SH3RF3: variants seen among roughly 807,000 people sequenced by gnomAD.
The protein encoded by SH3RF3 is E3 ubiquitin-protein ligase SH3RF3.
A neutral mutation model predicts 66.3 loss-of-function variants in SH3RF3; 29 were observed. That is an observed-to-expected ratio of 0.44 (90% confidence interval 0.33 to 0.60). The LOEUF (loss-of-function observed/expected upper bound fraction) is 0.60, where lower values mean the gene tolerates loss of function less well. Among genes scored for constraint, SH3RF3 ranks in the 20% least tolerant of loss-of-function variants. The pLI, the probability that SH3RF3 is intolerant of heterozygous loss-of-function variation, is 0.04. For missense variants in SH3RF3, 1,194 were observed against 1,190.9 expected, an observed-to-expected ratio of 1.00 and a Z score of -0.04; for synonymous variants, 583 against 532.0, an observed-to-expected ratio of 1.10 and a Z score of -1.32.
chr2:109,267,684 C>A (rs145249393), intron 1 of SH3RF3, among the ~76,000 whole-genome samples: 12 of 152,316 alleles, frequency 7.9e-5, no homozygotes, highest in Non-Finnish European at 1.3e-4. Flanking sequence ...GGAGCCCCAC[C>A]CGTGATCCCC....
chr2:109,453,799 G>T (rs1265034049), intron 8 of SH3RF3, among the ~76,000 whole-genome samples: 1 of 152,188 alleles, frequency 6.6e-6, no homozygotes, highest in Non-Finnish European at 1.5e-5. Context: ...GGGAACAGAG[G>T]GTCACCGACA....
At position 109,504,165 on chromosome 2, in the gene SH3RF3, T is replaced by C. The variant is rs1258997110; in HGVS notation, c.*2494T>C. The C allele has an allele frequency of 6.6e-6, 1 of 152,234 alleles. No individual in the cohort carries two copies. Among genetic ancestry groups the C allele is most frequent in the Non-Finnish European group, 1.5e-5 (1 of 68,044 alleles). 9.4% of individuals were successfully genotyped at this position (152,234 alleles called of 1,614,324 possible). ...AATTAGCCCTTTCTTCAGGCCATCT[T>C]GCCTCAAAGGGTACACATGTTTGGC... On this transcript the variant is annotated 3_prime_UTR_variant, in exon 10 of 10. Coordinates refer to ENST00000309415, the MANE Select transcript of SH3RF3 (RefSeq NM_001099289.3).
At chr2:109,494,390 G>T (rs1476930386) in intron 9 of SH3RF3, among the ~76,000 whole-genome samples, 6 of 152,116 alleles carry the variant, frequency 3.9e-5, no homozygotes, top group Non-Finnish European at 7.4e-5. Flanking sequence ...CCCCAGAAGT[G>T]CCCCCTCCCC....
chr2:109,335,053 C>T (rs964594982), intron 1 of SH3RF3, among the ~76,000 whole-genome samples: 13 of 152,218 alleles, frequency 8.5e-5, no homozygotes, highest in Non-Finnish European at 1.3e-4. Context: ...ATTGAAGACA[C>T]GGTTTTGTCT....
chr2:109,347,141 T>C (rs944352554), intron 1 of SH3RF3, among the ~76,000 whole-genome samples: 2 of 152,142 alleles, frequency 1.3e-5, no homozygotes, highest in Admixed American at 6.5e-5. Flanking sequence ...ATTCAGTAGA[T>C]GAAGTAAAGA....
chr2:109,479,667 G>T (rs1359354349), intron 8 of SH3RF3, among the ~76,000 whole-genome samples: 2 of 152,202 alleles, frequency 1.3e-5, no homozygotes, highest in East Asian at 3.9e-4. Context: ...CTGCACTTTT[G>T]TCTCCTCATT....
At chr2:109,364,349 C>T (rs764773932) in intron 2 of SH3RF3, among the ~76,000 whole-genome samples, 2 of 152,178 alleles carry the variant, frequency 1.3e-5, no homozygotes, top group Non-Finnish European at 2.9e-5. Context: ...TTTATCTTTG[C>T]TTACATCACC....
chr2:109,423,637 A>G (rs146656198), intron 5 of SH3RF3, among the ~76,000 whole-genome samples: 111 of 152,314 alleles, frequency 7.3e-4, no homozygotes, highest in Non-Finnish European at 1.3e-3. Flanking sequence ...GAAGGCCTGG[A>G]TCAGCGAAAT....
intron 3 of SH3RF3, among the ~76,000 whole-genome samples, chr2:109,372,649 A>T (rs1683298831): frequency 6.6e-6 from 1 of 152,220 alleles, no homozygotes; most frequent in Admixed American, 6.5e-5. Context: ...GAGTGGCAGA[A>T]CCAAGGTTTC....
intron 2 of SH3RF3, among the ~76,000 whole-genome samples, chr2:109,355,763 C>T (rs964531083): frequency 1.8e-4 from 27 of 152,196 alleles, no homozygotes; most frequent in Admixed American, 3.9e-4. Flanking sequence ...CCATGCCATG[C>T]GGATCAGTCT....
rs189033073 is a variant in SH3RF3, at chr2:109,173,995, C to T, written c.573+43882C>T. Reference sequence around the variant, plus strand: ...TGAGTCCTGAGACTGGCATTGGTGGCGGAAAGCACTGGGCTCAGTCCTTGA... The same window carrying T: ...TGAGTCCTGAGACTGGCATTGGTGGTGGAAAGCACTGGGCTCAGTCCTTGA... On this transcript the variant is annotated intron_variant, in intron 1 of 9. Transcript: ENST00000309415. Among the ~76,000 whole-genome samples the T allele has an allele frequency of 6.4e-3, 976 of 152,304 alleles. 8 individuals are homozygous for T. The highest frequency in any genetic ancestry group is 0.017 in the South Asian group (84 of 4,826).
At chr2:109,430,822 C>T (rs972732999) in intron 5 of SH3RF3, among the ~76,000 whole-genome samples, 3 of 152,112 alleles carry the variant, frequency 2.0e-5, no homozygotes, top group Admixed American at 6.5e-5. Context: ...GTCCTAATTT[C>T]ACTGTCAGTG....
chr2:109,281,904 ATGGCCATG>A (rs985657765), intron 1 of SH3RF3, among the ~76,000 whole-genome samples: 2 of 152,124 alleles, frequency 1.3e-5, no homozygotes, highest in African/African-American at 4.8e-5. Context: ...GAATGTAGAG[ATGGCCATG>A]TGGCAGGAGC....
At chr2:109,168,747 T>G (rs898395545) in intron 1 of SH3RF3, among the ~76,000 whole-genome samples, 1 of 152,214 alleles carries the variant, frequency 6.6e-6, no homozygotes, top group Admixed American at 6.5e-5. Flanking sequence ...TCAGCACTGT[T>G]GGCCCTTCTC....
chr2:109,193,181 G>T (rs1678410420), intron 1 of SH3RF3, among the ~76,000 whole-genome samples: 1 of 152,206 alleles, frequency 6.6e-6, no homozygotes, highest in South Asian at 2.1e-4. Context: ...AAGAGAACTG[G>T]AATCAGGGCA....
chr2:109,448,742 T>G (rs564539140), intron 7 of SH3RF3, among the ~76,000 whole-genome samples: 81 of 152,194 alleles, frequency 5.3e-4, no homozygotes, highest in Non-Finnish European at 9.1e-4. Context: ...ACATAACAAA[T>G]GTAATGCACT....
At chr2:109,201,472 CTCT>C (rs1267061189) in intron 1 of SH3RF3, among the ~76,000 whole-genome samples, 2 of 152,184 alleles carry the variant, frequency 1.3e-5, no homozygotes, top group Non-Finnish European at 2.9e-5. Flanking sequence ...ACCTCTCTCT[CTCT>C]TATCTCTCTC....
intron 1 of SH3RF3, among the ~76,000 whole-genome samples, chr2:109,143,828 A>G (rs1461177100): frequency 1.3e-5 from 2 of 151,942 alleles, no homozygotes; most frequent in Non-Finnish European, 2.9e-5. Context: ...ACACACACAC[A>G]CACACGTATA....
At chr2:109,366,898 C>CTT (rs1038157038) in intron 2 of SH3RF3, among the ~76,000 whole-genome samples, 15 of 152,146 alleles carry the variant, frequency 9.9e-5, no homozygotes, top group African/African-American at 3.1e-4. Flanking sequence ...TTAATGATTG[C>CTT]TTTGTGGAAG....
Sources: allele counts gnomAD v4.1 joint callset (sites outside exome capture counted in the v4.1 genomes callset), GRCh38; gene constraint gnomAD v4.1.1; transcripts MANE v1.5; gene names NCBI Gene and HGNC (gene_info 2026-07-23, HGNC 2026-07-21).